Variants in RHD observed in about 807,000 individuals in gnomAD.
RHD encodes the protein Rh blood group D antigen.
Under a neutral mutation model 45.5 loss-of-function variants are expected in RHD, and 16 were observed. The ratio of observed to expected loss-of-function variants is 0.35; its 90% confidence interval spans 0.24 to 0.53. The LOEUF is 0.53. RHD is among the 20% of genes least tolerant of loss of function. The pLI is 0.92. For synonymous variants in RHD, 131 were observed against 217.5 expected (o/e 0.60, Z 3.50); for missense variants, 306 against 532.0 (o/e 0.58, Z 4.18).
chr1:25,310,016 C>T (rs1644058912), intron 7 of RHD, among the ~76,000 whole-genome samples: 2 of 132,682 alleles, frequency 1.5e-5, no homozygotes, highest in African/African-American at 5.1e-5. Flanking sequence ...ATAGTATAAG[C>T]TATATCCAGA....
chr1:25,329,562 A>G lies in RHD; in HGVS notation c.*638A>G, dbSNP rs113683142. Reference sequence around the variant, plus strand: ...CCAGCCTTGTTTGCTTTTTTAACAGATAACAGTGTGCTCATAGAAACTGCT... The same window carrying G: ...CCAGCCTTGTTTGCTTTTTTAACAGGTAACAGTGTGCTCATAGAAACTGCT... On this transcript the variant is annotated 3_prime_UTR_variant, in exon 10 of 10. Transcript: ENST00000328664. 2.7e-4 allele frequency: 45 copies of G among 165,404 alleles called. 6 individuals are homozygous for G. Among genetic ancestry groups the G allele is most frequent in the African/African-American group, 9.0e-4 (35 of 38,692 alleles). The allele number at this position is 165,404 out of a possible 1,614,324, so 10.2% of individuals were successfully genotyped here.
chr1:25,314,612 T>A (rs572187770), intron 7 of RHD, among the ~76,000 whole-genome samples: 1 of 132,426 alleles, frequency 7.6e-6, no homozygotes, highest in African/African-American at 2.6e-5. Context: ...TCATACTTCA[T>A]CCTCCTGAGT....
At chr1:25,277,770 G>A (rs1351058936) in intron 1 of RHD, among the ~76,000 whole-genome samples, 1 of 121,044 alleles carries the variant, frequency 8.3e-6, no homozygotes, top group African/African-American at 2.8e-5. Flanking sequence ...CACCTCCCAG[G>A]TTCAAGTAAT....
rs554074265 is a variant in RHD at position 25,275,927 on chromosome 1, A to C, written c.148+3232A>C. ...TGTTCACTTGACTGCCATTATTTCTATGCTTCCAATCTGTGTTTTTCTGCA... is the reference window on the plus strand; with the variant it reads ...TGTTCACTTGACTGCCATTATTTCTCTGCTTCCAATCTGTGTTTTTCTGCA... On this transcript the variant is annotated intron_variant, in intron 1 of 9. Transcript: ENST00000328664. Among the ~76,000 whole-genome samples the C allele has an allele frequency of 3.4e-4, 45 of 132,370 alleles. 9 individuals carry two copies. The highest frequency in any genetic ancestry group is 9.2e-4 in the South Asian group (4 of 4,334). The allele number at this position is 132,370 out of a possible 152,430, so 86.8% of individuals were successfully genotyped here. A position where few individuals can be genotyped will look rare whatever the true frequency, so the allele number is the denominator to read the frequency against.
At position 25,301,731 on chromosome 1, in the gene RHD, C is replaced by G. The variant is rs761825287; in HGVS notation, c.801+45C>G. The G allele has an allele frequency of 1.4e-5, 18 of 1,291,462 alleles. 3 individuals carry two copies. The South Asian group carries it at 2.2e-4, about 15-fold the overall frequency. 80.0% of individuals were successfully genotyped at this position (1,291,462 alleles called of 1,614,324 possible). Reference sequence around the variant, plus strand: ...TGGGCAGCACTTGGGTCTAACAGGACTAGCACACATATTTATGCCCCTCCC... The same window carrying G: ...TGGGCAGCACTTGGGTCTAACAGGAGTAGCACACATATTTATGCCCCTCCC... On this transcript the variant is annotated intron_variant, in intron 5 of 9. Coordinates refer to ENST00000328664, the MANE Select transcript of RHD (RefSeq NM_016124.6).
intron 7 of RHD, 129 bp downstream of exon 7, chr1:25,306,858 G>A (rs1643879623): frequency 1.1e-6 from 1 of 933,480 alleles, no homozygotes; most frequent in African/African-American, 1.6e-5. Context: ...GTGAATATTT[G>A]TTGGCTGATT....
chr1:25,274,543 G>A lies in RHD; in HGVS notation c.148+1848G>A, dbSNP rs1158457500. Among the ~76,000 whole-genome samples, 3 of 132,974 alleles carry A rather than the reference G, an allele frequency of 2.3e-5. 1 individual carries two copies. Among genetic ancestry groups the A allele is most frequent in the Non-Finnish European group, 5.4e-5 (3 of 56,022 alleles). 87.2% of individuals were successfully genotyped at this position (132,974 alleles called of 152,430 possible). A position where few individuals can be genotyped will look rare whatever the true frequency, so the allele number is the denominator to read the frequency against. On this transcript the variant is annotated intron_variant, in intron 1 of 9. Transcript: ENST00000328664. ...CACAACCCAGGCAGGGGAGACGATG[G>A]TGTCAGGGGAGGGAGGTGACTGCCC...
chr1:25,289,856 A>G (rs559332315), intron 2 of RHD, among the ~76,000 whole-genome samples: 2 of 129,210 alleles, frequency 1.5e-5, no homozygotes, highest in African/African-American at 5.4e-5. Context: ...AGTATCTTCA[A>G]GACCAAAATA....
At chr1:25,313,837 G>A (rs1226719050) in intron 7 of RHD, among the ~76,000 whole-genome samples, 2 of 132,926 alleles carry the variant, frequency 1.5e-5, no homozygotes, top group African/African-American at 5.1e-5. Context: ...AAGCTGACTT[G>A]CAAGAAAATG....
chr1:25,305,213 G>A (rs1318391979), intron 6 of RHD, among the ~76,000 whole-genome samples: 1 of 130,088 alleles, frequency 7.7e-6, no homozygotes, highest in Non-Finnish European at 1.8e-5. Flanking sequence ...CCAGGCAGAA[G>A]GCACAGTGTG....
In RHD at chr1:25,308,426, C is replaced by T. The variant is rs533028942; in HGVS notation, c.1073+1697C>T. Among the ~76,000 whole-genome samples, 33 of 126,282 alleles carry T rather than the reference C, an allele frequency of 2.6e-4. 6 individuals carry two copies. The highest frequency in any genetic ancestry group is 9.0e-4 in the African/African-American group (33 of 36,614). The allele number at this position is 126,282 out of a possible 152,430, so 82.8% of individuals were successfully genotyped here. On this transcript the variant is annotated intron_variant, in intron 7 of 9. Transcript: ENST00000328664. ...AACAAGCCCCACAAGTGTTCTCTTG[C>T]AAGCTCAAGTTTTAGAACCACTGAC...
At chr1:25,320,971 G>C (rs1161281082) in intron 8 of RHD, among the ~76,000 whole-genome samples, 1 of 131,576 alleles carries the variant, frequency 7.6e-6, no homozygotes, top group Non-Finnish European at 1.8e-5. Context: ...TTGACCCCGG[G>C]AGTTTGAGGC....
intron 6 of RHD, chr1:25,304,777 T>C (rs575828201): frequency 7.6e-6 from 1 of 131,572 alleles, no homozygotes; most frequent in East Asian, 2.0e-4. Flanking sequence ...ATTTTCATCT[T>C]TGCAAGGGGA....
rs1307995634 is a variant in RHD at position 25,295,857 on chromosome 1, T to C, written c.486+5066T>C. ...TGGGAGGGAATATGGGAAATTTTTT[T>C]TTTTTTTTTTTTTTTTTTTTTTGAG... On this transcript the variant is annotated intron_variant, in intron 3 of 9. Transcript: ENST00000328664. Among the ~76,000 whole-genome samples, 2 of 39,294 alleles carry C rather than the reference T, an allele frequency of 5.1e-5. 1 individual carries two copies. The highest frequency in any genetic ancestry group is 4.5e-4 in the Admixed American group (2 of 4,488). The allele number at this position is 39,294 out of a possible 152,430, so 25.8% of individuals were successfully genotyped here.
intron 7 of RHD, among the ~76,000 whole-genome samples, chr1:25,312,940 A>AAAAAAAAAAAC (rs1453953745): frequency 9.2e-6 from 1 of 108,976 alleles, no homozygotes; most frequent in African/African-American, 2.9e-5. Flanking sequence ...AAAAAAAAAA[A>AAAAAAAAAAAC]AAAAAAAAAA....
At chr1:25,311,314 C>T (rs1644134451) in intron 7 of RHD, among the ~76,000 whole-genome samples, 2 of 131,934 alleles carry the variant, frequency 1.5e-5, no homozygotes, top group African/African-American at 5.2e-5. Context: ...AGAACATTTT[C>T]AGCTGAGAAC....
intron 1 of RHD, among the ~76,000 whole-genome samples, chr1:25,277,700 G>C (rs1375090791): frequency 7.9e-6 from 1 of 127,304 alleles, no homozygotes; most frequent in East Asian, 2.0e-4. Flanking sequence ...TTTTGAGACA[G>C]AGTTTTGCTC....
At chr1:25,282,725 G>A (rs1641603481) in intron 1 of RHD, among the ~76,000 whole-genome samples, 1 of 130,864 alleles carries the variant, frequency 7.6e-6, no homozygotes, top group South Asian at 2.3e-4. Context: ...AGGAGTTCGA[G>A]ACCAGCTTGG....
chr1:25,298,310 G>A (rs1185606106), intron 3 of RHD, among the ~76,000 whole-genome samples: 1 of 122,790 alleles, frequency 8.1e-6, no homozygotes, highest in African/African-American at 2.6e-5. Context: ...TCTTCATAAC[G>A]ATTGCTTTAA....
Sources: gnomAD v4.1 joint callset for allele counts (sites outside exome capture counted in the v4.1 genomes callset) on GRCh38, gnomAD v4.1.1 for gene constraint, MANE v1.5 for transcripts, NCBI Gene and HGNC (gene_info 2026-07-23, HGNC 2026-07-21) for gene names.